NRG1: variants seen among roughly 807,000 people sequenced by gnomAD.
NRG1 encodes neuregulin 1.
NRG1 carries 18 observed loss-of-function variants against 63.8 expected under a neutral mutation model. That is an observed-to-expected ratio of 0.28 (90% CI 0.19 to 0.42). NRG1 has a LOEUF of 0.42. Among genes scored for constraint, NRG1 ranks in the 10% least tolerant of loss-of-function variants. The pLI, the probability that NRG1 is intolerant of heterozygous loss-of-function variation, is 1.00. For missense variants in NRG1, 762 were observed against 814.7 expected, an observed-to-expected ratio of 0.94 and a Z score of 0.79; for synonymous variants, 302 against 301.3, an observed-to-expected ratio of 1.00 and a Z score of -0.02.
intron 1 of NRG1, among the ~76,000 whole-genome samples, chr8:31,658,706 G>T (rs1296330525): frequency 5.9e-5 from 9 of 152,118 alleles, no homozygotes; most frequent in Admixed American, 3.3e-4. Context: ...CAAGTAATCT[G>T]CCTGCCTTGG....
At chr8:32,627,462 T>C (rs1337383934) in intron 5 of NRG1, among the ~76,000 whole-genome samples, 1 of 152,134 alleles carries the variant, frequency 6.6e-6, no homozygotes, top group Non-Finnish European at 1.5e-5. Context: ...AATGTGTGTA[T>C]ATGAAAAGGT....
intron 1 of NRG1, among the ~76,000 whole-genome samples, chr8:31,982,618 G>A (rs1809336310): frequency 6.6e-6 from 1 of 151,962 alleles, no homozygotes; most frequent in South Asian, 2.1e-4. Context: ...GGCAGGTAGG[G>A]GCCAAATTAT....
At chr8:31,874,734 C>A (rs1011120514) in intron 1 of NRG1, among the ~76,000 whole-genome samples, 1 of 151,884 alleles carries the variant, frequency 6.6e-6, no homozygotes, top group Non-Finnish European at 1.5e-5. Context: ...TTGATCATCC[C>A]CACCTTCCCC....
chr8:32,072,857 C>G (rs1825951856), intron 1 of NRG1, among the ~76,000 whole-genome samples: 1 of 152,146 alleles, frequency 6.6e-6, no homozygotes, highest in South Asian at 2.1e-4. Context: ...ACCCCCTCCA[C>G]TTTTGAGTTT....
intron 1 of NRG1, among the ~76,000 whole-genome samples, chr8:32,014,159 A>T (rs1563680388): frequency 6.6e-6 from 1 of 152,162 alleles, no homozygotes; most frequent in Non-Finnish European, 1.5e-5. Flanking sequence ...GGCCATTTTC[A>T]TGATATTGAC....
At chr8:31,961,030 A>G (rs1003991366) in intron 1 of NRG1, among the ~76,000 whole-genome samples, 2 of 151,998 alleles carry the variant, frequency 1.3e-5, no homozygotes, top group East Asian at 1.9e-4. Context: ...TTTTTTTTTC[A>G]TAGTTTCAAG....
chr8:32,569,516 A>T (rs952606923), intron 1 of NRG1, among the ~76,000 whole-genome samples: 7 of 152,142 alleles, frequency 4.6e-5, no homozygotes, highest in African/African-American at 1.4e-4. Context: ...TTCTCCTTTA[A>T]AAAAGAAAAG....
intron 1 of NRG1, among the ~76,000 whole-genome samples, chr8:31,973,036 T>C (rs1183152302): frequency 6.6e-6 from 1 of 152,204 alleles, no homozygotes; most frequent in East Asian, 1.9e-4. Context: ...CTTTTCCTTT[T>C]TGGTTTAGTT....
intron 5 of NRG1, among the ~76,000 whole-genome samples, chr8:32,669,465 A>G (rs1468988152): frequency 6.6e-6 from 1 of 152,216 alleles, no homozygotes; most frequent in Non-Finnish European, 1.5e-5. Flanking sequence ...GGAAATAACC[A>G]AGAGTGCCGA....
intron 1 of NRG1, among the ~76,000 whole-genome samples, chr8:31,929,007 C>T (rs531097951): frequency 2.0e-5 from 3 of 152,132 alleles, no homozygotes; most frequent in Admixed American, 6.5e-5. Context: ...CACTTGTATC[C>T]CTAAAGCTAT....
intron 1 of NRG1, among the ~76,000 whole-genome samples, chr8:32,395,730 T>G (rs6993762): frequency 6.6e-6 from 1 of 152,080 alleles, no homozygotes; most frequent in Admixed American, 6.6e-5. Context: ...GGAAAGATGT[T>G]AAATCTGTTG....
At chr8:32,011,403 C>T (rs190614872) in intron 1 of NRG1, among the ~76,000 whole-genome samples, 13 of 152,164 alleles carry the variant, frequency 8.5e-5, no homozygotes, top group Admixed American at 4.6e-4. Context: ...ACGTATCCCA[C>T]GATTAACACT....
chr8:31,875,601 C>T (rs1268826180), intron 1 of NRG1, among the ~76,000 whole-genome samples: 1 of 152,110 alleles, frequency 6.6e-6, no homozygotes, highest in Non-Finnish European at 1.5e-5. Context: ...CTCTTTTCTT[C>T]CTGTCTCCTC....
intron 1 of NRG1, among the ~76,000 whole-genome samples, chr8:31,848,390 A>G (rs1289854435): frequency 6.6e-6 from 1 of 152,192 alleles, no homozygotes; most frequent in Non-Finnish European, 1.5e-5. Context: ...CTAAGGATCC[A>G]TGGAATTATG....
intron 1 of NRG1, among the ~76,000 whole-genome samples, chr8:31,944,265 C>T (rs1225751017): frequency 2.6e-5 from 4 of 152,156 alleles, no homozygotes; most frequent in Non-Finnish European, 4.4e-5. Context: ...ATGGAAACTA[C>T]AGTGATATTG....
chr8:31,944,838 C>A (rs952434045), intron 1 of NRG1, among the ~76,000 whole-genome samples: 1 of 152,148 alleles, frequency 6.6e-6, no homozygotes, highest in African/African-American at 2.4e-5. Flanking sequence ...CTGTAGGGAA[C>A]CAGCTGTATG....
At chr8:32,584,283 A>G (rs1299709416) in intron 1 of NRG1, among the ~76,000 whole-genome samples, 2 of 152,162 alleles carry the variant, frequency 1.3e-5, no homozygotes, top group Non-Finnish European at 2.9e-5. Context: ...TCTTCAGCAA[A>G]TTCATGTCAC....
chr8:32,423,989 A>G (rs1240970710), intron 1 of NRG1, among the ~76,000 whole-genome samples: 2 of 152,152 alleles, frequency 1.3e-5, no homozygotes, highest in African/African-American at 2.4e-5. Context: ...TTGGAATTCT[A>G]CAAGTTTATG....
intron 1 of NRG1, among the ~76,000 whole-genome samples, chr8:31,776,825 G>A (rs1248525970): frequency 6.6e-6 from 1 of 152,114 alleles, no homozygotes; most frequent in African/African-American, 2.4e-5. Context: ...TGCTGAGAAT[G>A]ATGGTTTCCA....
Sources: gnomAD v4.1 joint callset for allele counts (sites outside exome capture counted in the v4.1 genomes callset) on GRCh38, gnomAD v4.1.1 for gene constraint, MANE v1.5 for transcripts, NCBI Gene and HGNC (gene_info 2026-07-23, HGNC 2026-07-21) for gene names.